ITPRID2: variants seen among roughly 807,000 people sequenced by gnomAD.
ITPRID2 encodes the protein ITPR interacting domain containing 2.
Under a neutral mutation model 124.3 loss-of-function variants are expected in ITPRID2, and 60 were observed. That is an observed-to-expected ratio of 0.48 (90% CI 0.39 to 0.60). The LOEUF (loss-of-function observed/expected upper bound fraction) is 0.60, where lower values mean the gene tolerates loss of function less well. Among genes scored for constraint, ITPRID2 ranks in the 20% least tolerant of loss-of-function variants. The pLI, the probability that ITPRID2 is intolerant of heterozygous loss-of-function variation, is 0.00. For synonymous variants in ITPRID2, 521 were observed against 542.9 expected (o/e 0.96, Z 0.56); for missense variants, 1,553 against 1,512.2 (o/e 1.03, Z -0.45).
At chr2:181,900,423 A>G (rs958137938) in intron 6 of ITPRID2, among the ~76,000 whole-genome samples, 1 of 152,180 alleles carries the variant, frequency 6.6e-6, no homozygotes, top group Non-Finnish European at 1.5e-5. Flanking sequence ...AAATAAGGTG[A>G]GGAATCACGT....
At chr2:181,909,641 C>T (rs1693443147) in intron 8 of ITPRID2, among the ~76,000 whole-genome samples, 2 of 152,098 alleles carry the variant, frequency 1.3e-5, no homozygotes, top group African/African-American at 4.8e-5. Context: ...AGCTAGTGCA[C>T]GTCTGATGCA....
At chr2:181,929,207 A>G (rs902145892) in intron 17 of ITPRID2, among the ~76,000 whole-genome samples, 2 of 151,596 alleles carry the variant, frequency 1.3e-5, no homozygotes, top group African/African-American at 4.8e-5. Context: ...ATATATATTA[A>G]TAATAATTCT....
rs951906823 is a variant in ITPRID2, at chr2:181,891,898, T to TTCCCTCCC, written c.-159_-152dup. The TTCCCTCCC allele has an allele frequency of 2.9e-6, 1 of 347,380 alleles. No individual in the cohort carries two copies. The highest frequency in any genetic ancestry group is 2.4e-5 in the African/African-American group (1 of 42,436). The allele number at this position is 347,380 out of a possible 1,614,324, so 21.5% of individuals were successfully genotyped here. ...CCCTCCGCCCCTTCCCTCCCCTTCC[T>TTCCCTCCC]TCCCTCCCTCCCTCCCTGTCCCCTC... On this transcript the variant is annotated 5_prime_UTR_variant, in exon 1 of 18. Transcript: ENST00000431877.
At chr2:181,916,932 C>G (rs1233859941) in intron 11 of ITPRID2, 1 of 992,728 alleles carries the variant, frequency 1.0e-6, no homozygotes. Context: ...ACCCTCGATG[C>G]TGTGCACAGA....
rs1214865918 is a variant in ITPRID2 at position 181,907,390 on chromosome 2, T to C, written c.1414-2509T>C. Among the ~76,000 whole-genome samples the C allele has an allele frequency of 2.0e-5, 3 of 152,150 alleles. No individual in the cohort carries two copies. Among genetic ancestry groups the C allele is most frequent in the Non-Finnish European group, 4.4e-5 (3 of 68,016 alleles). ...GTGTGGGTTATTCTAAAGCTGTTTT[T>C]CATCTTTGAATCCCAAAACATTGAG... is the stretch of plus-strand genomic sequence containing the variant. On this transcript the variant is annotated intron_variant, in intron 8 of 17. Transcript: ENST00000431877. This position sits in a 1 kb window ranked among gnomAD's most constrained non-coding sequence, Gnocchi z 5.1.
rs1351762835 is a variant in ITPRID2, at chr2:181,892,568, G to T, written c.212-47G>T. 5 of 1,612,592 alleles carry T rather than the reference G, an allele frequency of 3.1e-6. No homozygotes were observed. Among genetic ancestry groups the T allele is most frequent in the Non-Finnish European group, 4.2e-6 (5 of 1,178,628 alleles). ...GAGGGTCCAGGGTGACTCCGCCGTC[G>T]TAGTGCTCCTGGGTGGTAACGTGCT... On this transcript the variant is annotated intron_variant, in intron 1 of 17. Transcript: ENST00000431877. This position sits in a 1 kb window ranked among gnomAD's most constrained non-coding sequence, Gnocchi z 5.2.
At position 181,902,912 on chromosome 2, in the gene ITPRID2, C is replaced by T. The variant is rs77022955; in HGVS notation, c.1413+446C>T. On this transcript the variant is annotated intron_variant, in intron 8 of 17. Transcript: ENST00000431877. The surrounding 1 kb of genome is among the most constrained non-coding windows in gnomAD (Gnocchi z 4.4). Reference sequence around the variant, plus strand: ...TCTCAGTGGTAAGGATATGTGAAGGCGGCTTTGGGGATAGTTCTTGTTATA... The same window carrying T: ...TCTCAGTGGTAAGGATATGTGAAGGTGGCTTTGGGGATAGTTCTTGTTATA... 6.6e-6 allele frequency among the ~76,000 whole-genome samples: 1 copy of T among 151,910 alleles called. No homozygotes were observed. The highest frequency in any genetic ancestry group is 2.1e-4 in the South Asian group (1 of 4,816).
intron 11 of ITPRID2, chr2:181,916,978 T>G: frequency 1.0e-5 from 10 of 986,552 alleles, no homozygotes; most frequent in Non-Finnish European, 1.2e-5. Flanking sequence ...AGACTGGAAC[T>G]ACTCCAGACC....
Position 181,919,085 on chromosome 2 carries a change from C to T in ITPRID2, c.2993+203C>T, listed in dbSNP as rs1694291410. 6.6e-6 allele frequency among the ~76,000 whole-genome samples: 1 copy of T among 152,158 alleles called. No homozygotes were observed. The highest frequency in any genetic ancestry group is 6.5e-5 in the Admixed American group (1 of 15,278). On this transcript the variant is annotated intron_variant, in intron 13 of 17. Transcript: ENST00000431877. This position sits in a 1 kb window ranked among gnomAD's most constrained non-coding sequence, Gnocchi z 4.2. ...TCAATATCCTAAGGGTAGTGGTAAC[C>T]TGCTTTCCCGTGTTTGAGATATTTG...
intron 16 of ITPRID2, 61 bp from the exon 17 acceptor site, chr2:181,928,100 C>G: frequency 8.7e-7 from 1 of 1,149,448 alleles, no homozygotes; most frequent in Non-Finnish European, 1.2e-6. Context: ...TTTCCAAAAA[C>G]AGGAAAAAAT....
Position 181,892,822 on chromosome 2 carries a change from T to C in ITPRID2, c.257+162T>C. 1 of 743,778 alleles carries C rather than the reference T, an allele frequency of 1.3e-6. No individual in the cohort carries two copies. Among genetic ancestry groups the C allele is most frequent in the Non-Finnish European group, 2.2e-6 (1 of 449,372 alleles). 46.1% of individuals were successfully genotyped at this position (743,778 alleles called of 1,614,324 possible). A position where few individuals can be genotyped will look rare whatever the true frequency, so the allele number is the denominator to read the frequency against. ...GCTTCCTCCTCTAAGCGATTAGAAA[T>C]GGAAGTGCTGTGACCGCTGATTATT... is the stretch of plus-strand genomic sequence containing the variant. On this transcript the variant is annotated intron_variant, in intron 2 of 17. Transcript: ENST00000431877. This position sits in a 1 kb window ranked among gnomAD's most constrained non-coding sequence, Gnocchi z 5.2.
intron 17 of ITPRID2, among the ~76,000 whole-genome samples, chr2:181,928,609 T>C (rs975870644): frequency 6.6e-5 from 10 of 152,240 alleles, no homozygotes; most frequent in African/African-American, 2.4e-4. Flanking sequence ...AACAAGATTT[T>C]GTGAATTAAT....
chr2:181,911,575 T>C (rs1459238618), intron 9 of ITPRID2, among the ~76,000 whole-genome samples: 2 of 152,214 alleles, frequency 1.3e-5, no homozygotes, highest in Non-Finnish European at 2.9e-5. Flanking sequence ...GATTTTTTTC[T>C]CACTTTAATG....
At chr2:181,918,047 T>A (rs1396496064) in intron 11 of ITPRID2, 1 of 153,160 alleles carries the variant, frequency 6.5e-6, no homozygotes, top group African/African-American at 2.4e-5. Context: ...GTAATCTGAA[T>A]TTTTCTGTGT....
intron 11 of ITPRID2, chr2:181,916,770 C>A: frequency 1.1e-6 from 1 of 918,842 alleles, no homozygotes; most frequent in Non-Finnish European, 1.3e-6. Flanking sequence ...AAAAATCTTC[C>A]CTCTTAAAGT....
rs1692744345 is a variant in ITPRID2 at position 181,902,421 on chromosome 2, A to G, written c.1368A>G (p.Ile456Met). Residue 456 changes from isoleucine to methionine, a missense_variant, in exon 8 of 18, where the codon ATA becomes ATG. Physicochemically the swap from Ile to Met is conservative, Grantham distance 10. Transcript: ENST00000431877. The surrounding 1 kb of genome is among the most constrained non-coding windows in gnomAD (Gnocchi z 4.4). ...EPCAPLTIPS[I>M]RNIMTQQKDS... ...GTGCACCACTGACAATACCATCCAT[A>G]AGAAATATAATGACACAGCAGAAGG... The G allele has an allele frequency of 6.2e-7, 1 of 1,605,520 alleles. No homozygotes were observed. The highest frequency in any genetic ancestry group is 1.1e-5 in the South Asian group (1 of 88,586).
Position 181,892,701 on chromosome 2 carries a change from G to T in ITPRID2, c.257+41G>T, listed in dbSNP as rs775222326. On this transcript the variant is annotated intron_variant, in intron 2 of 17. Transcript: ENST00000431877. This position sits in a 1 kb window ranked among gnomAD's most constrained non-coding sequence, Gnocchi z 5.2. ...TCCGCCCGCGTCCCGGGGGAGATCC[G>T]TGCGGACGGGACGCCGGAGCAGAGC... 6.8e-6 allele frequency: 11 copies of T among 1,612,132 alleles called. No homozygotes were observed. The Admixed American group carries it at 1.7e-4, about 24-fold the overall frequency.
chr2:181,920,431 G>A (rs1220413495), intron 14 of ITPRID2, among the ~76,000 whole-genome samples, 166 bp from the exon 15 acceptor site: 3 of 152,110 alleles, frequency 2.0e-5, no homozygotes, highest in African/African-American at 4.8e-5. Flanking sequence ...ACACTTGAGA[G>A]TAACCTTTGT....
chr2:181,922,431 T>C lies in ITPRID2; in HGVS notation c.3675+19T>C. ...ACGGGAGGTGGGTAAAATCTGTGTT[T>C]CATTCATTTATTTGGAGGTATATGT... On this transcript the variant is annotated intron_variant, in intron 16 of 17. Transcript: ENST00000431877. 1 of 1,573,614 alleles carries C rather than the reference T, an allele frequency of 6.4e-7. No homozygotes were observed. Among genetic ancestry groups the C allele is most frequent in the African/African-American group, 1.4e-5 (1 of 73,576 alleles).
Sources: gnomAD v4.1 joint callset for allele counts (sites outside exome capture counted in the v4.1 genomes callset) on GRCh38, gnomAD v4.1.1 for gene constraint, Gnocchi (gnomAD v3.1) non-coding constraint, MANE v1.5 for transcripts, NCBI Gene and HGNC (gene_info 2026-07-23, HGNC 2026-07-21) for gene names.